Variants in RTN1 observed in about 807,000 individuals in gnomAD.
The protein encoded by RTN1 is reticulon-1.
A neutral mutation model predicts 65.5 loss-of-function variants in RTN1; 25 were observed. The observed-to-expected ratio is 0.38, with a 90% CI of 0.28 to 0.53. The LOEUF (loss-of-function observed/expected upper bound fraction) is 0.53. Among genes scored for constraint, RTN1 ranks in the 20% least tolerant of loss-of-function variants. The pLI is 0.79. For missense variants in RTN1, 983 were observed against 1,025.4 expected (o/e 0.96, Z 0.57); for synonymous variants, 471 against 447.6 (o/e 1.05, Z -0.66).
At chr14:59,725,845 A>C (rs917997238) in intron 3 of RTN1, among the ~76,000 whole-genome samples, 1 of 152,250 alleles carries the variant, frequency 6.6e-6, no homozygotes, top group Non-Finnish European at 1.5e-5. Flanking sequence ...TGCCGCTAAC[A>C]TCATTGAAGT....
At chr14:59,630,440 G>T (rs2140184430) in intron 3 of RTN1, 2 of 1,613,598 alleles carry the variant, frequency 1.2e-6, no homozygotes, top group East Asian at 4.5e-5. Flanking sequence ...GAAATAAAGA[G>T]AATACCCTGA....
chr14:59,745,450 C>T (rs926296745), intron 2 of RTN1, among the ~76,000 whole-genome samples: 2 of 151,810 alleles, frequency 1.3e-5, no homozygotes, highest in Non-Finnish European at 2.9e-5. Flanking sequence ...TAACATCTCC[C>T]CTCAAATAAA....
chr14:59,830,888 A>G (rs1887113630), intron 1 of RTN1, among the ~76,000 whole-genome samples: 1 of 152,206 alleles, frequency 6.6e-6, no homozygotes, highest in African/African-American at 2.4e-5. Context: ...TGTTATTACT[A>G]TTATTAATCT....
chr14:59,732,140 T>C (rs1051625285), intron 2 of RTN1, among the ~76,000 whole-genome samples: 3 of 151,940 alleles, frequency 2.0e-5, no homozygotes, highest in Non-Finnish European at 2.9e-5. Context: ...AGCAAAGATA[T>C]GGAAGTGAAA....
intron 3 of RTN1, among the ~76,000 whole-genome samples, chr14:59,634,444 C>A (rs925745238): frequency 6.6e-6 from 1 of 152,136 alleles, no homozygotes; most frequent in African/African-American, 2.4e-5. Context: ...CCCACTGTAG[C>A]AGAATAATGC....
rs1308591116 is a variant in RTN1, at chr14:59,870,074, A to C, written c.241+316T>G. Among the ~76,000 whole-genome samples, 4 of 152,144 alleles carry C rather than the reference A, an allele frequency of 2.6e-5. No homozygotes were observed. The highest frequency in any genetic ancestry group is 5.9e-5 in the Non-Finnish European group (4 of 68,012). On this transcript the variant is annotated intron_variant, in intron 1 of 8. Transcript: ENST00000267484. This position sits in a 1 kb window ranked among gnomAD's most constrained non-coding sequence, Gnocchi z 5.1. The stretch of plus-strand genomic sequence containing the variant: ...CTCGGAGCCTCCTGGCAGGAGGGAG[A>C]AACTTGTACCCAGACTCGCCAGCAG...
At chr14:59,699,382 C>T (rs535980531) in intron 3 of RTN1, among the ~76,000 whole-genome samples, 1 of 152,224 alleles carries the variant, frequency 6.6e-6, no homozygotes, top group East Asian at 1.9e-4. Context: ...AATGAAATCA[C>T]TTATCTTTTT....
At chr14:59,694,430 T>C (rs999335923) in intron 3 of RTN1, among the ~76,000 whole-genome samples, 1 of 152,180 alleles carries the variant, frequency 6.6e-6, no homozygotes, top group Admixed American at 6.6e-5. Flanking sequence ...TGTATGCACT[T>C]ACACACACAT....
intron 3 of RTN1, among the ~76,000 whole-genome samples, chr14:59,614,181 A>G (rs1327035849): frequency 1.3e-5 from 2 of 152,154 alleles, no homozygotes; most frequent in African/African-American, 4.8e-5. Flanking sequence ...GAAGCATTGC[A>G]CTATCTTCTC....
chr14:59,745,368 C>A (rs187138208), intron 2 of RTN1, among the ~76,000 whole-genome samples: 2 of 152,234 alleles, frequency 1.3e-5, no homozygotes, highest in Admixed American at 1.3e-4. Flanking sequence ...AACTGAGAAG[C>A]AGGCAGTACT....
Position 59,607,291 on chromosome 14 carries a change from G to C in RTN1, c.1967C>G (p.Pro656Arg). 1 of 1,613,818 alleles carries C rather than the reference G, an allele frequency of 6.2e-7. No individual in the cohort carries two copies. Among genetic ancestry groups the C allele is most frequent in the Non-Finnish European group, 8.5e-7 (1 of 1,179,888 alleles). Residue 656 changes from proline to arginine, a missense_variant, in exon 4 of 9, where the codon CCT (proline) becomes CGT (arginine). Pro to Arg is a moderately radical substitution (Grantham distance 103). Coordinates refer to ENST00000267484, the MANE Select transcript of RTN1 (RefSeq NM_021136.3). The part of the protein sequence containing the change: ...QAVQKTDEGH[P>R]FKAYLELEIT... Reference sequence around the variant, plus strand: ...CCTCAGCTGAGGCACTCACTTGAAAGGGTGGCCTTCGTCGGTTTTCTGCAC... The same window carrying C: ...CCTCAGCTGAGGCACTCACTTGAAACGGTGGCCTTCGTCGGTTTTCTGCAC...
At chr14:59,815,689 G>A (rs1217061306) in intron 1 of RTN1, among the ~76,000 whole-genome samples, 4 of 152,136 alleles carry the variant, frequency 2.6e-5, no homozygotes, top group Admixed American at 2.6e-4. Context: ...GCTCATCCCA[G>A]TTCTCCAACC....
intron 3 of RTN1, among the ~76,000 whole-genome samples, chr14:59,631,027 A>G (rs1041431753): frequency 6.6e-6 from 1 of 152,226 alleles, no homozygotes; most frequent in Non-Finnish European, 1.5e-5. Flanking sequence ...TCAGGCTTGC[A>G]GCATAATGTT....
At chr14:59,776,156 T>A (rs1247547531) in intron 1 of RTN1, among the ~76,000 whole-genome samples, 1 of 152,116 alleles carries the variant, frequency 6.6e-6, no homozygotes, top group African/African-American at 2.4e-5. Flanking sequence ...TCTCTCCTTC[T>A]TCCTGACAAG....
At position 59,810,301 on chromosome 14, in the gene RTN1, AG is replaced by A. The variant is rs1323566499; in HGVS notation, c.241+60088del. ...GAAGATGGGAGGTTTTCCTAAGCTT[AG>A]GGTTCCTTGGCTGTGACACAAACTT... On this transcript the variant is annotated intron_variant, in intron 1 of 8. Coordinates refer to ENST00000267484, the MANE Select transcript of RTN1 (RefSeq NM_021136.3). Among the ~76,000 whole-genome samples the A allele has an allele frequency of 3.3e-5, 5 of 152,198 alleles. No individual in the cohort carries two copies. The East Asian group carries it at 9.6e-4, about 29-fold the overall frequency.
At chr14:59,651,996 C>A (rs962518693) in intron 3 of RTN1, among the ~76,000 whole-genome samples, 17 of 151,954 alleles carry the variant, frequency 1.1e-4, no homozygotes, top group Admixed American at 1.0e-3. Context: ...TACAAAACAA[C>A]CCCATTGAAA....
chr14:59,763,912 G>A (rs1019443852), intron 1 of RTN1, among the ~76,000 whole-genome samples: 5 of 152,248 alleles, frequency 3.3e-5, no homozygotes, highest in Admixed American at 6.5e-5. Context: ...ACCTACCTAG[G>A]TGATGACCAA....
chr14:59,801,153 G>C (rs1053212968), intron 1 of RTN1, among the ~76,000 whole-genome samples: 23 of 152,102 alleles, frequency 1.5e-4, no homozygotes, highest in African/African-American at 4.8e-4. Context: ...AGAAATACAA[G>C]GTAGAGCAAA....
chr14:59,788,074 G>A lies in RTN1; in HGVS notation c.242-41593C>T, dbSNP rs534557249. Reference sequence around the variant, plus strand: ...TCTGTCTCATTCTCTGTAATGATTCGCAGGTATTTCATTGTATGAATGTAC... The same window carrying A: ...TCTGTCTCATTCTCTGTAATGATTCACAGGTATTTCATTGTATGAATGTAC... On this transcript the variant is annotated intron_variant, in intron 1 of 8. Coordinates refer to ENST00000267484, the MANE Select transcript of RTN1 (RefSeq NM_021136.3). Among the ~76,000 whole-genome samples the A allele has an allele frequency of 3.9e-4, 59 of 152,116 alleles. 1 individual carries two copies. The highest frequency in any genetic ancestry group is 1.4e-3 in the African/African-American group (56 of 41,474).
Sources: allele counts gnomAD v4.1 joint callset (sites outside exome capture counted in the v4.1 genomes callset), GRCh38; gene constraint gnomAD v4.1.1; non-coding constraint Gnocchi (gnomAD v3.1); transcripts MANE v1.5; gene names NCBI Gene and HGNC (gene_info 2026-07-23, HGNC 2026-07-21).